Variants in GPR179 observed in about 807,000 individuals in gnomAD.
GPR179 encodes the protein probable G protein-coupled receptor 179.
Under a neutral mutation model 70.8 loss-of-function variants are expected in GPR179, and 52 were observed. That is an observed-to-expected ratio of 0.73 (90% CI 0.59 to 0.93). The LOEUF (loss-of-function observed/expected upper bound fraction) is 0.93. GPR179 is among the 40% of genes least tolerant of loss of function. The pLI is 0.00. For missense variants in GPR179, 2,734 were observed against 2,966.8 expected (o/e 0.92, Z 1.82); for synonymous variants, 1,123 against 1,169.0 (o/e 0.96, Z 0.80).
At position 38,327,748 on chromosome 17, in the gene GPR179, C is replaced by A; in HGVS notation, c.5821G>T (p.Glu1941Ter). The A allele has an allele frequency of 6.2e-7, 1 of 1,614,146 alleles. No individual in the cohort carries two copies. Among genetic ancestry groups the A allele is most frequent in the Non-Finnish European group, 8.5e-7 (1 of 1,180,012 alleles). ...TTTTCCCCATCTTCAGTAGTGAATT[C>A]TTCTGTGTCTGCAGCTGGAGCTTTT... ...QEKAPAADTE[E>*]FTTEDGEKTS... is the part of the protein sequence containing the mutation. Residue 1941 changes from glutamate (E) to a stop codon, truncating the protein, a stop_gained, in exon 11 of 11, where the codon GAA becomes TAA. Transcript: ENST00000616987. LOFTEE classifies it low-confidence loss of function (END_TRUNC).
Position 38,337,030 on chromosome 17 carries a change from A to G in GPR179, c.1175T>C (p.Met392Thr), listed in dbSNP as rs765067809. ...CAGCATGCTCAGGAAGATGGCCAGC[A>G]TGCAGCAGGCCTGGCAGGCCAGCAC... Reference protein sequence around the residue: ...AAVLACQACCMLAIFLSMLVS... With the variant: ...AAVLACQACCTLAIFLSMLVS... The change falls in exon 4 of 11, where the codon ATG becomes ACG. Residue 392 changes from methionine (M) to threonine (T), a missense_variant. Met to Thr is a moderately conservative substitution (Grantham distance 81). Transcript: ENST00000616987. 6.2e-7 allele frequency: 1 copy of G among 1,608,860 alleles called. No homozygotes were observed. Among genetic ancestry groups the G allele is most frequent in the African/African-American group, 1.3e-5 (1 of 75,020 alleles).
chr17:38,333,048 T>C (rs542215769), intron 10 of GPR179, among the ~76,000 whole-genome samples: 14 of 152,240 alleles, frequency 9.2e-5, no homozygotes, highest in Non-Finnish European at 1.2e-4. Flanking sequence ...TTCTGGGGCT[T>C]TGGGGTCTTC....
chr17:38,329,638 C>T lies in GPR179; in HGVS notation c.3931G>A (p.Glu1311Lys), dbSNP rs770252058. ...GCTTCCTGCTCCCTCACCAGCCTCT[C>T]TGGCTTTTTCCGCATCATGGGAACC... The part of the protein sequence containing the change: ...DVVPMMRKKP[E>K]RLVREQEAVC... Residue 1311 changes from glutamate to lysine, a missense_variant, in exon 11 of 11, where the codon GAG (glutamate) becomes AAG (lysine). Coordinates refer to ENST00000616987, the MANE Select transcript of GPR179 (RefSeq NM_001004334.4). 2 of 1,614,182 alleles carry T rather than the reference C, an allele frequency of 1.2e-6. No homozygotes were observed. Among genetic ancestry groups the T allele is most frequent in the African/African-American group, 1.3e-5 (1 of 75,066 alleles).
chr17:38,330,568 G>A lies in GPR179; in HGVS notation c.3001C>T (p.Pro1001Ser). The change falls in exon 11 of 11, where the codon CCA (proline) becomes TCA (serine). Residue 1001 changes from proline to serine, a missense_variant. Physicochemically the swap from Pro to Ser is moderately conservative, Grantham distance 74 (BLOSUM62 -1). Transcript: ENST00000616987. ...YICPWENAEL[P>S]AKQENVPQEG... Reference sequence around the variant, plus strand: ...TGGGGCACATTTTCTTGCTTGGCTGGCAGTTCTGCGTTCTCCCAGGGGCAG... The same window carrying A: ...TGGGGCACATTTTCTTGCTTGGCTGACAGTTCTGCGTTCTCCCAGGGGCAG... The A allele has an allele frequency of 6.4e-7, 1 of 1,573,412 alleles. No individual in the cohort carries two copies. The highest frequency in any genetic ancestry group is 8.6e-7 in the Non-Finnish European group (1 of 1,162,162).
chr17:38,330,205 T>C lies in GPR179; in HGVS notation c.3364A>G (p.Ser1122Gly). The change falls in exon 11 of 11, where the codon AGT becomes GGT. Residue 1122 changes from serine to glycine, a missense_variant. Transcript: ENST00000616987. ...EGQNSGTAGE[S>G]MGAPSRSPRL... is the part of the protein sequence containing the mutation. ...GGCGATCGGGAGGGTGCCCCCATACTCTCTCCCGCAGTCCCGCTGTTCTGC... is the reference window on the plus strand; with the variant it reads ...GGCGATCGGGAGGGTGCCCCCATACCCTCTCCCGCAGTCCCGCTGTTCTGC... 1 of 1,568,456 alleles carries C rather than the reference T, an allele frequency of 6.4e-7. No homozygotes were observed. The highest frequency in any genetic ancestry group is 1.2e-5 in the South Asian group (1 of 83,442).
chr17:38,330,247 CCACACTCTCCTT>C lies in GPR179; in HGVS notation c.3310_3321del (p.Lys1104_Val1107del). On this transcript the variant is annotated inframe_deletion, in exon 11 of 11. Transcript: ENST00000616987. ...CTGTTCTGCCCCTCGGGACTCTCCT[CCACACTCTCCTT>C]CTCTCTGTAGGTGCTCCGAGAACGG... 6.3e-7 allele frequency: 1 copy of C among 1,589,138 alleles called. No individual in the cohort carries two copies. Among genetic ancestry groups the C allele is most frequent in the Non-Finnish European group, 8.6e-7 (1 of 1,165,690 alleles).
rs372379550 is a variant in GPR179, at chr17:38,327,596, C to T, written c.5973G>A (p.Gly1991=). ...ATGGGCACACGTCAGCGGCCCTGCC[C>T]CCAGTGCTGACCAGTCTCTGGGAGC... The part of the protein sequence containing the change: ...KASSQRLVST[G]GRAADVCPWD... The change falls in exon 11 of 11, where the codon GGG becomes GGA. Residue 1991 remains glycine, a synonymous_variant. Transcript: ENST00000616987. The T allele has an allele frequency of 6.8e-6, 11 of 1,614,054 alleles. No individual in the cohort carries two copies. The Middle Eastern group carries it at 4.9e-4, about 72-fold the overall frequency.
Position 38,343,889 on chromosome 17 carries a change from T to A in GPR179, c.-100A>T. On this transcript the variant is annotated 5_prime_UTR_variant, in exon 1 of 11. Coordinates refer to ENST00000616987, the MANE Select transcript of GPR179 (RefSeq NM_001004334.4). The surrounding 1 kb of genome is among the most constrained non-coding windows in gnomAD (Gnocchi z 4.2). ...CTGTCGGCCTCCACGCCTCCTATGC[T>A]GGCGTTCCTTCTTCCTCTCTCCGTC... 1.0e-6 allele frequency: 1 copy of A among 957,564 alleles called. No homozygotes were observed. 59.3% of individuals were successfully genotyped at this position (957,564 alleles called of 1,614,324 possible).
chr17:38,342,767 T>C (rs2037459841), intron 1 of GPR179, among the ~76,000 whole-genome samples: 1 of 152,192 alleles, frequency 6.6e-6, no homozygotes, highest in South Asian at 2.1e-4. Flanking sequence ...CCCAGATAAA[T>C]ATGGATTGAT....
intron 5 of GPR179, 51 bp downstream of exon 5, chr17:38,336,025 T>G (rs1319662619): frequency 7.5e-7 from 1 of 1,332,698 alleles, no homozygotes; most frequent in Admixed American, 1.7e-5. Context: ...TGCCAGGTTT[T>G]GGCTATGGGG....
Position 38,331,401 on chromosome 17 carries a change from A to G in GPR179, c.2168T>C (p.Leu723Pro), listed in dbSNP as rs2037359014. 6.2e-7 allele frequency: 1 copy of G among 1,614,114 alleles called. No individual in the cohort carries two copies. The highest frequency in any genetic ancestry group is 1.1e-5 in the South Asian group (1 of 91,082). ...GGCCAGGGCCTCGGGGAATTCCGCC[A>G]GGTACCTCATGAAGGAGCGGCCCAG... The part of the protein sequence containing the change: ...QGLGRSFMRY[L>P]AEFPEALARQ... The change falls in exon 11 of 11, where the codon CTG becomes CCG. Residue 723 changes from leucine (L) to proline (P), a missense_variant. By Grantham distance (98) the Leu-to-Pro change is moderately conservative. Transcript: ENST00000616987.
intron 5 of GPR179, 126 bp downstream of exon 5, chr17:38,335,950 T>C (rs1567726134): frequency 1.3e-6 from 1 of 782,274 alleles, no homozygotes; most frequent in Non-Finnish European, 2.3e-6. Context: ...TGGGTAAGAG[T>C]AGGGGAAATC....
chr17:38,332,670 G>A (rs990596176), intron 10 of GPR179, among the ~76,000 whole-genome samples: 9 of 152,172 alleles, frequency 5.9e-5, no homozygotes, highest in Admixed American at 1.3e-4. Context: ...GCAGTGGTGC[G>A]ATCTCAGCTC....
At chr17:38,336,198 G>A in intron 4 of GPR179, 54 bp from the exon 5 acceptor site, 2 of 1,223,588 alleles carry the variant, frequency 1.6e-6, no homozygotes, top group Non-Finnish European at 2.4e-6. Flanking sequence ...GGTTCTAGAG[G>A]CTCTCAGGCC....
At position 38,330,636 on chromosome 17, in the gene GPR179, G is replaced by T. The variant is rs1278830027; in HGVS notation, c.2933C>A (p.Pro978Gln). 1.9e-6 allele frequency: 3 copies of T among 1,589,312 alleles called. No individual in the cohort carries two copies. Among genetic ancestry groups the T allele is most frequent in the South Asian group, 2.3e-5 (2 of 87,312 alleles). ...GGGGCTTTGTGGGGATACTGGGACTGGTGCCAGGGCAGGGGCTGGGGTTGG... is the reference window on the plus strand; with the variant it reads ...GGGGCTTTGTGGGGATACTGGGACTTGTGCCAGGGCAGGGGCTGGGGTTGG... ...LAPTPAPALA[P>Q]VPVSPQSPNL... Residue 978 changes from proline to glutamine, a missense_variant, in exon 11 of 11, where the codon CCA becomes CAA. Physicochemically the swap from Pro to Gln is moderately conservative, Grantham distance 76. Transcript: ENST00000616987.
Position 38,325,069 on chromosome 17 carries a change from T to A in GPR179, c.*1396A>T, listed in dbSNP as rs1354263878. On this transcript the variant is annotated 3_prime_UTR_variant, in exon 11 of 11. Transcript: ENST00000616987. ...CTTACTGCCATCTTTAGTGCCCCTG[T>A]GCAGCTCTGCCTTCTCTAGCTGCCC... 1.3e-5 allele frequency among the ~76,000 whole-genome samples: 2 copies of A among 152,186 alleles called. No homozygotes were observed. The highest frequency in any genetic ancestry group is 3.8e-4 in the East Asian group (2 of 5,198).
Position 38,343,171 on chromosome 17 carries a change from C to G in GPR179, c.619G>C (p.Gly207Arg), listed in dbSNP as rs1329542100. 9.9e-6 allele frequency: 16 copies of G among 1,614,132 alleles called. No homozygotes were observed. In the South Asian group the frequency reaches 1.8e-4, roughly 18 times the overall value. ...LKKRVLTNDL[G>R]SLGSPKWPQA... ...GGCCACTTGGGGCTGCCGAGGCTCC[C>G]TAGGTCATTGGTCAACACTCGCTTC... The change falls in exon 1 of 11, where the codon GGG (glycine) becomes CGG (arginine). Residue 207 changes from glycine (G) to arginine (R), a missense_variant. Coordinates refer to ENST00000616987, the MANE Select transcript of GPR179 (RefSeq NM_001004334.4). This position sits in a 1 kb window ranked among gnomAD's most constrained non-coding sequence, Gnocchi z 4.2.
Position 38,324,632 on chromosome 17 carries a change from AGT to A in GPR179, c.*1831_*1832del, listed in dbSNP as rs1335284577. ...CCCACCCCATGGTTTATTTCACAAG[AGT>A]GTGTTTGGCGGCAACTTTGCTGTTT... On this transcript the variant is annotated 3_prime_UTR_variant, in exon 11 of 11. Coordinates refer to ENST00000616987, the MANE Select transcript of GPR179 (RefSeq NM_001004334.4). 7.2e-6 allele frequency among the ~76,000 whole-genome samples: 1 copy of A among 138,182 alleles called. No homozygotes were observed. Among genetic ancestry groups the A allele is most frequent in the African/African-American group, 2.7e-5 (1 of 37,452 alleles). The allele number at this position is 138,182 out of a possible 152,430, so 90.7% of individuals were successfully genotyped here.
chr17:38,335,560 G>C (rs2037397192), intron 6 of GPR179, 31 bp downstream of exon 6: 2 of 1,463,222 alleles, frequency 1.4e-6, no homozygotes, highest in Admixed American at 1.7e-5. Context: ...GGGATGAGCA[G>C]CATGAGAGCA....
Sources: gnomAD v4.1 joint callset for allele counts (sites outside exome capture counted in the v4.1 genomes callset) on GRCh38, gnomAD v4.1.1 for gene constraint, Gnocchi (gnomAD v3.1) non-coding constraint, MANE v1.5 for transcripts, NCBI Gene and HGNC (gene_info 2026-07-23, HGNC 2026-07-21) for gene names.